FRMD4A: variants seen among roughly 807,000 people sequenced by gnomAD.
The protein encoded by FRMD4A is FERM domain containing 4A.
Under a neutral mutation model 129.1 loss-of-function variants are expected in FRMD4A, and 29 were observed. The ratio of observed to expected loss-of-function variants is 0.22; its 90% CI spans 0.17 to 0.31. The LOEUF is 0.31. FRMD4A is among the 10% of genes least tolerant of loss of function. FRMD4A has a pLI of 1.00. For synonymous variants in FRMD4A, 634 were observed against 571.6 expected (o/e 1.11, Z -1.56); for missense variants, 1,272 against 1,375.8 (o/e 0.92, Z 1.19).
intron 2 of FRMD4A, among the ~76,000 whole-genome samples, chr10:14,078,295 C>CT (rs1185862807): frequency 6.6e-6 from 1 of 152,184 alleles, no homozygotes; most frequent in Admixed American, 6.5e-5. Flanking sequence ...AAGCTGTGTC[C>CT]TTTGTCTTCA....
intron 2 of FRMD4A, among the ~76,000 whole-genome samples, chr10:14,208,848 T>A (rs758202367): frequency 5.3e-5 from 8 of 152,046 alleles, no homozygotes; most frequent in Non-Finnish European, 8.8e-5. Flanking sequence ...GATGAAACAG[T>A]AAAGGGTGAT....
chr10:13,725,182 C>T (rs1181584783), intron 12 of FRMD4A, among the ~76,000 whole-genome samples: 2 of 152,148 alleles, frequency 1.3e-5, no homozygotes, highest in South Asian at 2.1e-4. Context: ...TCTCATCAAC[C>T]GACTTGTTAA....
intron 2 of FRMD4A, among the ~76,000 whole-genome samples, chr10:13,891,251 C>A (rs1459873813): frequency 6.6e-6 from 1 of 152,066 alleles, no homozygotes; most frequent in East Asian, 1.9e-4. Flanking sequence ...CTGAAACGCC[C>A]TGTCCTGCAC....
chr10:13,891,791 C>A (rs2094700664), intron 2 of FRMD4A: 17 of 968,142 alleles, frequency 1.8e-5, no homozygotes, highest in Non-Finnish European at 2.0e-5. Flanking sequence ...GCCCCCGCCG[C>A]GGGCCCTCGG....
intron 2 of FRMD4A, chr10:13,891,483 C>A (rs2094695747): frequency 4.1e-6 from 2 of 491,864 alleles, no homozygotes; most frequent in South Asian, 1.7e-4. Context: ...CTGTAACATA[C>A]GCGAAATAAA....
chr10:13,704,281 A>C (rs1352240510), intron 13 of FRMD4A, among the ~76,000 whole-genome samples: 2 of 152,106 alleles, frequency 1.3e-5, no homozygotes, highest in Non-Finnish European at 2.9e-5. Context: ...TTTAATGCTG[A>C]AGTCATCCCG....
chr10:13,650,582 T>C (rs1180057723), intron 24 of FRMD4A, among the ~76,000 whole-genome samples: 1 of 152,196 alleles, frequency 6.6e-6, no homozygotes, highest in Non-Finnish European at 1.5e-5. Flanking sequence ...AAGGCCATTC[T>C]TCCTACTTCA....
chr10:14,040,385 A>T (rs1049483053), intron 2 of FRMD4A, among the ~76,000 whole-genome samples: 9 of 152,282 alleles, frequency 5.9e-5, no homozygotes, highest in African/African-American at 2.2e-4. Flanking sequence ...TGGTTTCTGG[A>T]AAATGTTTGG....
chr10:13,719,652 GA>G (rs1380595749), intron 12 of FRMD4A, among the ~76,000 whole-genome samples: 2 of 152,118 alleles, frequency 1.3e-5, no homozygotes, highest in African/African-American at 4.8e-5. Context: ...TAAGAAGAAG[GA>G]GGGGGAAAAA....
At chr10:14,171,622 T>G (rs1841481174) in intron 2 of FRMD4A, among the ~76,000 whole-genome samples, 1 of 152,240 alleles carries the variant, frequency 6.6e-6, no homozygotes, top group African/African-American at 2.4e-5. Context: ...CTCATGCATA[T>G]TTATGTGCCA....
chr10:13,836,474 G>T (rs976272931), intron 3 of FRMD4A, among the ~76,000 whole-genome samples: 1 of 152,096 alleles, frequency 6.6e-6, no homozygotes, highest in African/African-American at 2.4e-5. Context: ...CAATTCTTTG[G>T]GGGGCGCGGG....
chr10:13,989,064 C>T (rs1177907000), intron 2 of FRMD4A, among the ~76,000 whole-genome samples: 1 of 151,938 alleles, frequency 6.6e-6, no homozygotes, highest in Non-Finnish European at 1.5e-5. Context: ...AAATCTTTTC[C>T]CAAATGAAAT....
chr10:14,266,106 C>A (rs889908695), intron 2 of FRMD4A, among the ~76,000 whole-genome samples: 2 of 131,856 alleles, frequency 1.5e-5, no homozygotes, highest in South Asian at 2.4e-4. Context: ...TTTCGAGCAG[C>A]TTTCCCAACC....
At position 13,657,165 on chromosome 10, in the gene FRMD4A, C is replaced by T. The variant is rs1476170736; in HGVS notation, c.2424G>A (p.Gly808=). 1.3e-6 allele frequency: 2 copies of T among 1,494,274 alleles called. No individual in the cohort carries two copies. Among genetic ancestry groups the T allele is most frequent in the Non-Finnish European group, 8.9e-7 (1 of 1,127,880 alleles). 92.6% of individuals were successfully genotyped at this position (1,494,274 alleles called of 1,614,324 possible). The change falls in exon 22 of 25, where the codon GGG becomes GGA. Residue 808 remains glycine, a synonymous_variant. Transcript: ENST00000357447. ...CCGCGCCCCCCGCGCCCCCCGCACCCCCGCGCGCCGCCAGGTTGGGCATGC... is the reference window on the plus strand; with the variant it reads ...CCGCGCCCCCCGCGCCCCCCGCACCTCCGCGCGCCGCCAGGTTGGGCATGC... ...SGSMPNLAAR[G]GAGGAGGAGG...
chr10:14,268,245 T>G (rs1376406509), intron 2 of FRMD4A, among the ~76,000 whole-genome samples: 1 of 152,256 alleles, frequency 6.6e-6, no homozygotes, highest in Admixed American at 6.5e-5. Flanking sequence ...ATGGCACAGC[T>G]GTGAACTACA....
chr10:14,118,981 CA>C (rs1441513004), intron 2 of FRMD4A, among the ~76,000 whole-genome samples: 2 of 152,296 alleles, frequency 1.3e-5, no homozygotes, highest in East Asian at 1.9e-4. Context: ...CACAGCCAGC[CA>C]GATGTATTTC....
At position 13,853,015 on chromosome 10, in the gene FRMD4A, C is replaced by T. The variant is rs142899356; in HGVS notation, c.111+5832G>A. On this transcript the variant is annotated intron_variant, in intron 3 of 24. Transcript: ENST00000357447. ...GCTCCACTTCTTGGAATCATAGGGACGCTTTGTTCCTCTATTTGCACACAG... is the reference window on the plus strand; with the variant it reads ...GCTCCACTTCTTGGAATCATAGGGATGCTTTGTTCCTCTATTTGCACACAG... Among the ~76,000 whole-genome samples, 562 of 152,268 alleles carry T rather than the reference C, an allele frequency of 3.7e-3. 2 individuals carry two copies. The highest frequency in any genetic ancestry group is 0.012 in the African/African-American group (489 of 41,544).
intron 2 of FRMD4A, among the ~76,000 whole-genome samples, chr10:14,200,821 G>C (rs920978793): frequency 6.6e-5 from 10 of 152,162 alleles, no homozygotes; most frequent in African/African-American, 1.9e-4. Flanking sequence ...CGTGGCTCCA[G>C]TGTCTCTTCT....
intron 2 of FRMD4A, among the ~76,000 whole-genome samples, chr10:14,141,282 T>C (rs1839821044): frequency 6.6e-6 from 1 of 152,156 alleles, no homozygotes; most frequent in African/African-American, 2.4e-5. Context: ...TCCAAGTCGC[T>C]GAGGTATTGC....
Sources: gnomAD v4.1 joint callset for allele counts (sites outside exome capture counted in the v4.1 genomes callset) on GRCh38, gnomAD v4.1.1 for gene constraint, MANE v1.5 for transcripts, NCBI Gene and HGNC (gene_info 2026-07-23, HGNC 2026-07-21) for gene names.